Variants in SMOC1 observed in about 807,000 individuals in gnomAD.
SMOC1 encodes SPARC related modular calcium binding 1.
Under a neutral mutation model 56.3 loss-of-function variants are expected in SMOC1, and 22 were observed. The observed-to-expected ratio is 0.39, with a 90% CI of 0.28 to 0.56. SMOC1 has a LOEUF of 0.56. SMOC1 is among the 20% of genes least tolerant of loss of function. SMOC1 has a pLI of 0.61. For synonymous variants in SMOC1, 193 were observed against 215.0 expected (o/e 0.90, Z 0.89); for missense variants, 509 against 565.4 (o/e 0.90, Z 1.01).
chr14:69,956,959 C>G (rs530931746), intron 3 of SMOC1, among the ~76,000 whole-genome samples: 1 of 148,102 alleles, frequency 6.8e-6, no homozygotes, highest in East Asian at 2.0e-4. Context: ...AAGTTTCAAA[C>G]CACTTTTGTA....
chr14:70,019,139 C>T (rs1336502242), intron 10 of SMOC1, among the ~76,000 whole-genome samples: 2 of 152,226 alleles, frequency 1.3e-5, no homozygotes, highest in East Asian at 3.9e-4. Context: ...GAAGTGTAGC[C>T]TATGCCACCT....
At chr14:69,900,412 G>A (rs1884212318) in intron 1 of SMOC1, among the ~76,000 whole-genome samples, 1 of 152,212 alleles carries the variant, frequency 6.6e-6, no homozygotes, top group Non-Finnish European at 1.5e-5. Flanking sequence ...TAGGCACTGG[G>A]AAACAAAATA....
intron 1 of SMOC1, among the ~76,000 whole-genome samples, chr14:69,928,443 T>C (rs575346711): frequency 6.6e-6 from 1 of 152,278 alleles, no homozygotes; most frequent in African/African-American, 2.4e-5. Flanking sequence ...GCTCAGTGTG[T>C]TTGAGGCTAG....
rs200714494 is a variant in SMOC1 at position 69,977,906 on chromosome 14, T to G, written c.479-12T>G. ...CTGAGTGGCTATGTTTTTGTTTCCC[T>G]TCTCACCCAAGGTTCAGTCACCGAC... is the stretch of plus-strand genomic sequence containing the variant. On this transcript the variant is annotated splice_polypyrimidine_tract_variant and intron_variant, in intron 4 of 11. Coordinates refer to ENST00000361956, the MANE Select transcript of SMOC1 (RefSeq NM_001034852.3). 13 of 1,613,774 alleles carry G rather than the reference T, an allele frequency of 8.1e-6. No individual in the cohort carries two copies. The East Asian group carries it at 2.2e-4, about 28-fold the overall frequency.
chr14:69,962,734 G>A (rs143367616), intron 3 of SMOC1, among the ~76,000 whole-genome samples: 1 of 151,952 alleles, frequency 6.6e-6, no homozygotes, highest in East Asian at 1.9e-4. Context: ...ATGCCACTAT[G>A]CAGGGATAAT....
rs1264385739 is a variant in SMOC1 at position 69,994,440 on chromosome 14, C to T, written c.624C>T (p.Ile208=). The part of the protein sequence containing the change: ...APTLWIKHLV[I]KDSKLNNTNI... ...CTCTATGGATTAAACACTTGGTGATCAAGGACTCCAAACTGAACAACACCA... is the reference window on the plus strand; with the variant it reads ...CTCTATGGATTAAACACTTGGTGATTAAGGACTCCAAACTGAACAACACCA... Residue 208 remains isoleucine (I), a synonymous_variant, in exon 7 of 12, where the codon ATC becomes ATT. Transcript: ENST00000361956. The T allele has an allele frequency of 6.2e-7, 1 of 1,613,902 alleles. No individual in the cohort carries two copies. Among genetic ancestry groups the T allele is most frequent in the Non-Finnish European group, 8.5e-7 (1 of 1,179,924 alleles).
intron 1 of SMOC1, among the ~76,000 whole-genome samples, chr14:69,894,348 G>C (rs146014456): frequency 7.3e-4 from 111 of 152,306 alleles, no homozygotes; most frequent in African/African-American, 2.4e-3. Context: ...AGCTCTCTCA[G>C]AAGGTGGAGA....
chr14:69,888,435 C>CT (rs930970808), intron 1 of SMOC1, among the ~76,000 whole-genome samples: 8 of 152,236 alleles, frequency 5.3e-5, no homozygotes, highest in Middle Eastern at 3.4e-3. Context: ...TTTCAGCATC[C>CT]TTTTTTTGAG....
chr14:69,974,335 G>T (rs1443996991), intron 3 of SMOC1, among the ~76,000 whole-genome samples: 1 of 152,102 alleles, frequency 6.6e-6, no homozygotes, highest in Non-Finnish European at 1.5e-5. Flanking sequence ...AGGAGGAGGG[G>T]AATACGAGGG....
chr14:69,910,411 G>A (rs540508816), intron 1 of SMOC1, among the ~76,000 whole-genome samples: 31 of 152,276 alleles, frequency 2.0e-4, no homozygotes, highest in Admixed American at 5.9e-4. Flanking sequence ...GGAAAGAAAC[G>A]GTTGGGAAGA....
At chr14:70,000,349 G>A (rs1015373559) in intron 7 of SMOC1, among the ~76,000 whole-genome samples, 3 of 152,130 alleles carry the variant, frequency 2.0e-5, no homozygotes, top group Non-Finnish European at 4.4e-5. Flanking sequence ...TTAAAAGTAC[G>A]GAGACTGTCA....
chr14:69,953,438 G>C lies in SMOC1; in HGVS notation c.284G>C (p.Cys95Ser). The change falls in exon 3 of 12, where the codon TGT becomes TCT. Residue 95 changes from cysteine to serine, a missense_variant. Around this residue, in one of 3 missense-constraint regions of SMOC1, gnomAD observed 315 missense variants for 333.1 expected, o/e 0.95. Transcript: ENST00000361956. ...GRCKDAGQSK[C>S]RLERAQALEQ... ...CTTTCAGATGCTGGCCAGAGCAAGT[G>C]TCGCCTGGAGCGGGCTCAAGCCCTG... The C allele has an allele frequency of 6.2e-7, 1 of 1,614,218 alleles. No individual in the cohort carries two copies. Among genetic ancestry groups the C allele is most frequent in the Non-Finnish European group, 8.5e-7 (1 of 1,180,022 alleles).
chr14:69,937,011 C>T (rs1032456461), intron 1 of SMOC1, among the ~76,000 whole-genome samples: 3 of 152,064 alleles, frequency 2.0e-5, no homozygotes, highest in East Asian at 1.9e-4. Context: ...AGCATTTCCC[C>T]GGTCAATAAA....
At chr14:69,970,172 ACT>A (rs768049154) in intron 3 of SMOC1, among the ~76,000 whole-genome samples, 12 of 151,658 alleles carry the variant, frequency 7.9e-5, no homozygotes, top group Non-Finnish European at 1.6e-4. Flanking sequence ...GGAGCAGAAG[ACT>A]CTCTTCCAGC....
At chr14:70,006,771 A>T (rs961433970) in intron 7 of SMOC1, among the ~76,000 whole-genome samples, 1 of 152,184 alleles carries the variant, frequency 6.6e-6, no homozygotes, top group South Asian at 2.1e-4. Flanking sequence ...TCACATCTGC[A>T]GTTGGTACTC....
At chr14:69,948,561 G>T (rs970404837) in intron 1 of SMOC1, among the ~76,000 whole-genome samples, 1 of 151,974 alleles carries the variant, frequency 6.6e-6, no homozygotes, top group Non-Finnish European at 1.5e-5. Context: ...CGATTTTTTG[G>T]CCTGTAGTTC....
intron 3 of SMOC1, among the ~76,000 whole-genome samples, chr14:69,963,171 G>A (rs1280071106): frequency 3.9e-5 from 6 of 151,990 alleles, no homozygotes; most frequent in African/African-American, 1.5e-4. Context: ...AGTGAGATGA[G>A]GGTTGTTCTG....
chr14:69,959,415 C>T (rs78419599), intron 3 of SMOC1, among the ~76,000 whole-genome samples: 4,362 of 152,098 alleles, frequency 0.029, 219 homozygotes, highest in African/African-American at 0.1. Context: ...GACTCATTCC[C>T]AAGATATTTT....
intron 1 of SMOC1, among the ~76,000 whole-genome samples, chr14:69,935,613 C>A (rs1295255079): frequency 1.3e-5 from 2 of 152,208 alleles, no homozygotes; most frequent in Admixed American, 1.3e-4. Flanking sequence ...TTTAAAGAGA[C>A]ACCTGTGTTG....
Sources: gnomAD v4.1 joint callset for allele counts (sites outside exome capture counted in the v4.1 genomes callset) on GRCh38, gnomAD v4.1.1 for gene constraint, gnomAD v4.1.1 regional missense constraint, MANE v1.5 for transcripts, NCBI Gene and HGNC (gene_info 2026-07-23, HGNC 2026-07-21) for gene names.